The following SLC36A4 variants were observed in gnomAD, a reference collection of about 807,000 sequenced individuals.
SLC36A4 encodes the protein solute carrier family 36 member 4, also known as neutral amino acid uniporter 4.
Under a neutral mutation model 50.5 loss-of-function variants are expected in SLC36A4, and 49 were observed. That is an observed-to-expected ratio of 0.97 (90% CI 0.77 to 1.23). The LOEUF is 1.23. Among genes scored for constraint, SLC36A4 ranks in the 50% most tolerant of loss-of-function variants. SLC36A4 has a pLI of 0.00. For missense variants in SLC36A4, 611 were observed against 608.4 expected, an observed-to-expected ratio of 1.00 and a Z score of -0.05; for synonymous variants, 207 against 206.5, an observed-to-expected ratio of 1.00 and a Z score of -0.02.
chr11:93,148,876 T>C (rs1590924407), intron 10 of SLC36A4, 32 bp from the exon 11 acceptor site: 2 of 1,558,180 alleles, frequency 1.3e-6, no homozygotes, highest in African/African-American at 1.4e-5. Flanking sequence ...ATTTTTCTTA[T>C]TTAAATGTTT....
Position 93,145,613 on chromosome 11 carries a change from C to G in SLC36A4, c.*2924G>C, listed in dbSNP as rs1039306024. The G allele has an allele frequency of 2.0e-5, 3 of 152,060 alleles. No homozygotes were observed. The highest frequency in any genetic ancestry group is 4.4e-5 in the Non-Finnish European group (3 of 67,998). The allele number at this position is 152,060 out of a possible 1,614,324, so 9.4% of individuals were successfully genotyped here. A position where few individuals can be genotyped will look rare whatever the true frequency, so the allele number is the denominator to read the frequency against. ...CGGAGCTCATTAGAGGTAAATAAAG[C>G]TTTCCTTTCTTTCCCCTCAGTAGCA... On this transcript the variant is annotated 3_prime_UTR_variant, in exon 11 of 11. Coordinates refer to ENST00000326402, the MANE Select transcript of SLC36A4 (RefSeq NM_152313.4).
rs147959599 is a variant in SLC36A4, at chr11:93,183,123, G to A, written c.271-229C>T. 7.7e-3 allele frequency among the ~76,000 whole-genome samples: 1,169 copies of A among 152,158 alleles called. 5 individuals are homozygous for A. Among genetic ancestry groups the A allele is most frequent in the Middle Eastern group, 0.014 (4 of 294 alleles). Reference sequence around the variant, plus strand: ...TATTAACATAGCTACTCAAACCTACGAATATGGAGTATAGACAACAAAGTA... The same window carrying A: ...TATTAACATAGCTACTCAAACCTACAAATATGGAGTATAGACAACAAAGTA... On this transcript the variant is annotated intron_variant, in intron 3 of 10. Coordinates refer to ENST00000326402, the MANE Select transcript of SLC36A4 (RefSeq NM_152313.4).
intron 9 of SLC36A4, chr11:93,160,762 T>C: frequency 2.1e-6 from 2 of 974,052 alleles, no homozygotes; most frequent in Non-Finnish European, 2.4e-6. Flanking sequence ...ATTATTTCCA[T>C]GTACCTTTTA....
At chr11:93,180,020 T>C (rs1861666897) in intron 6 of SLC36A4, 4 of 865,536 alleles carry the variant, frequency 4.6e-6, no homozygotes, top group Non-Finnish European at 4.2e-6. Flanking sequence ...TTAGAAAACA[T>C]ACACACTCCA....
At chr11:93,173,005 C>A (rs1195977633) in intron 6 of SLC36A4, among the ~76,000 whole-genome samples, 1 of 147,166 alleles carries the variant, frequency 6.8e-6, no homozygotes. Context: ...GTTCTAGATC[C>A]CTGAGGAATC....
chr11:93,195,354 T>A lies in SLC36A4; in HGVS notation c.55+2424A>T, dbSNP rs570518335. On this transcript the variant is annotated intron_variant, in intron 1 of 10. Transcript: ENST00000326402. ...ATACTCAGGTCCCTGGAGTCTTCCATGTCTCCTCCGTTTTACTCTCTAACC... is the reference window on the plus strand; with the variant it reads ...ATACTCAGGTCCCTGGAGTCTTCCAAGTCTCCTCCGTTTTACTCTCTAACC... Among the ~76,000 whole-genome samples the A allele has an allele frequency of 5.3e-5, 8 of 152,178 alleles. No homozygotes were observed. In the South Asian group the frequency reaches 1.7e-3, roughly 32 times the overall value.
chr11:93,179,451 A>C (rs1215130675), intron 6 of SLC36A4, among the ~76,000 whole-genome samples: 1 of 152,262 alleles, frequency 6.6e-6, no homozygotes, highest in Non-Finnish European at 1.5e-5. Flanking sequence ...ACAAAAACCA[A>C]TAAATTCTGG....
intron 1 of SLC36A4, chr11:93,193,033 A>T: frequency 2.0e-6 from 1 of 488,894 alleles, no homozygotes; most frequent in Non-Finnish European, 2.7e-6. Context: ...TGGCACATAA[A>T]TAAGTAATCA....
intron 1 of SLC36A4, among the ~76,000 whole-genome samples, chr11:93,190,496 G>A (rs1406722011): frequency 6.6e-6 from 1 of 151,972 alleles, no homozygotes; most frequent in African/African-American, 2.4e-5. Context: ...CCACAAATAC[G>A]TACAATTACT....
chr11:93,194,101 TA>T (rs1243798585), intron 1 of SLC36A4, among the ~76,000 whole-genome samples: 3 of 152,104 alleles, frequency 2.0e-5, no homozygotes, highest in Non-Finnish European at 1.5e-5. Context: ...ATCATGTTTT[TA>T]AAAATTAAGT....
intron 10 of SLC36A4, among the ~76,000 whole-genome samples, chr11:93,150,666 T>C (rs1860045085): frequency 6.6e-6 from 1 of 152,086 alleles, no homozygotes; most frequent in Non-Finnish European, 1.5e-5. Context: ...CTTTATAAAG[T>C]AGATTATTCG....
chr11:93,147,373 T>C lies in SLC36A4; in HGVS notation c.*1164A>G, dbSNP rs1273440194. 4 of 152,096 alleles carry C rather than the reference T, an allele frequency of 2.6e-5. No individual in the cohort carries two copies. The highest frequency in any genetic ancestry group is 4.8e-5 in the African/African-American group (2 of 41,446). 9.4% of individuals were successfully genotyped at this position (152,096 alleles called of 1,614,324 possible). On this transcript the variant is annotated 3_prime_UTR_variant, in exon 11 of 11. Transcript: ENST00000326402. ...AAGAGTCCACAAATCCTCCGTTTTC[T>C]GAGGTGTCTATTTTCTGCCATTCAG...
chr11:93,174,237 C>T (rs11020184), intron 6 of SLC36A4, among the ~76,000 whole-genome samples: 11 of 125,072 alleles, frequency 8.8e-5, no homozygotes, highest in African/African-American at 2.6e-4. Flanking sequence ...CTCATGATTT[C>T]GCTCTCTGTT....
rs752246257 is a variant in SLC36A4, at chr11:93,147,432, GTAA to G, written c.*1102_*1104del. On this transcript the variant is annotated 3_prime_UTR_variant, in exon 11 of 11. Transcript: ENST00000326402. ...TGCCTACAAAACTCAGGAAAGGAAGGTAATAATTAAAAAAGCTCAAGCCACAAA... is the reference window on the plus strand; with the variant it reads ...TGCCTACAAAACTCAGGAAAGGAAGGTAATTAAAAAAGCTCAAGCCACAAA... 2.0e-5 allele frequency: 3 copies of G among 152,058 alleles called. No homozygotes were observed. The highest frequency in any genetic ancestry group is 2.9e-5 in the Non-Finnish European group (2 of 67,996). The allele number at this position is 152,058 out of a possible 1,614,324, so 9.4% of individuals were successfully genotyped here.
chr11:93,161,845 C>G (rs1320841322), intron 9 of SLC36A4, among the ~76,000 whole-genome samples: 1 of 152,094 alleles, frequency 6.6e-6, no homozygotes, highest in Non-Finnish European at 1.5e-5. Context: ...CTGCCACTAT[C>G]TTTGAAAATT....
chr11:93,176,504 G>A (rs1861478505), intron 6 of SLC36A4, among the ~76,000 whole-genome samples: 1 of 151,498 alleles, frequency 6.6e-6, no homozygotes, highest in Non-Finnish European at 1.5e-5. Context: ...ATGTTAGCTG[G>A]TGATTTTGCT....
chr11:93,173,456 TC>T (rs1463380577), intron 6 of SLC36A4, among the ~76,000 whole-genome samples: 1 of 149,528 alleles, frequency 6.7e-6, no homozygotes, highest in Non-Finnish European at 1.5e-5. Flanking sequence ...TTTAATTAGA[TC>T]CCATTTGTCA....
In SLC36A4 at chr11:93,144,689, G is replaced by GT. The variant is rs1468992162; in HGVS notation, c.*3847dup. 6.6e-6 allele frequency: 1 copy of GT among 151,984 alleles called. No individual in the cohort carries two copies. The highest frequency in any genetic ancestry group is 2.4e-5 in the African/African-American group (1 of 41,418). The allele number at this position is 151,984 out of a possible 1,614,324, so 9.4% of individuals were successfully genotyped here. A position where few individuals can be genotyped will look rare whatever the true frequency, so the allele number is the denominator to read the frequency against. On this transcript the variant is annotated 3_prime_UTR_variant, in exon 11 of 11. Transcript: ENST00000326402. ...AATCAGTTTCAGAAAGTTTAGCCTA[G>GT]TAAGTGCCAATGGCATAAACAAGAC...
chr11:93,187,718 T>C (rs1171017884), intron 1 of SLC36A4, among the ~76,000 whole-genome samples: 1 of 152,216 alleles, frequency 6.6e-6, no homozygotes. Context: ...TCAAAGACAA[T>C]GTTGAGCTGT....
Sources: gnomAD v4.1 joint callset for allele counts (sites outside exome capture counted in the v4.1 genomes callset) on GRCh38, gnomAD v4.1.1 for gene constraint, MANE v1.5 for transcripts, NCBI Gene and HGNC (gene_info 2026-07-23, HGNC 2026-07-21) for gene names.